Variants in USP54 observed in about 807,000 individuals in gnomAD.
USP54 encodes ubiquitin carboxyl-terminal hydrolase 54.
Under a neutral mutation model 170.5 loss-of-function variants are expected in USP54, and 87 were observed. The observed-to-expected ratio is 0.51, with a 90% confidence interval of 0.43 to 0.61. USP54 has a LOEUF of 0.61. Ranked by LOEUF, USP54 falls within the 20% of genes least tolerant of loss-of-function variation. The pLI is 0.00. For missense variants in USP54, 1,786 were observed against 2,047.8 expected, an observed-to-expected ratio of 0.87 and a Z score of 2.47; for synonymous variants, 655 against 742.8, an observed-to-expected ratio of 0.88 and a Z score of 1.92.
At chr10:73,509,453 A>G (rs1327993920) in intron 20 of USP54, among the ~76,000 whole-genome samples, 1 of 151,170 alleles carries the variant, frequency 6.6e-6, no homozygotes, top group Non-Finnish European at 1.5e-5. Context: ...AAAAAAAAAA[A>G]AAACAACAAA....
At chr10:73,522,606 T>C (rs2062081808) in intron 17 of USP54, among the ~76,000 whole-genome samples, 1 of 152,150 alleles carries the variant, frequency 6.6e-6, no homozygotes, top group African/African-American at 2.4e-5. Flanking sequence ...TGATACAGCT[T>C]GAGGTCAAAA....
chr10:73,517,477 C>T lies in USP54; in HGVS notation c.2949G>A (p.Lys983=). ...ATGGCTCCCAACTATGATGAGAATT[C>T]TTCTCAGTCCACCCTGGTGCTTTAG... ...GLPKAPGWTE[K]NSHHSWEPLD... Residue 983 remains lysine, a synonymous_variant, in exon 20 of 24, where the codon AAG becomes AAA. Transcript: ENST00000687698. 6.2e-7 allele frequency: 1 copy of T among 1,614,196 alleles called. No homozygotes were observed. Among genetic ancestry groups the T allele is most frequent in the Non-Finnish European group, 8.5e-7 (1 of 1,180,036 alleles).
intron 20 of USP54, chr10:73,505,925 T>C (rs2059056729): frequency 1.3e-5 from 2 of 152,254 alleles, no homozygotes; most frequent in South Asian, 4.1e-4. Context: ...AGTGTCCCCA[T>C]CTTGCTTCAT....
chr10:73,499,333 T>G, intron 23 of USP54, 145 bp from the exon 24 acceptor site: 1 of 855,398 alleles, frequency 1.2e-6, no homozygotes, highest in Non-Finnish European at 1.8e-6. Flanking sequence ...GCTGTGCTTT[T>G]GATTCCATTT....
chr10:73,526,820 C>A (rs774466473), intron 15 of USP54, 40 bp from the exon 16 acceptor site: 17 of 1,599,376 alleles, frequency 1.1e-5, no homozygotes, highest in Non-Finnish European at 1.4e-5. Context: ...AGCATGAAAG[C>A]AGGTTATAGC....
intron 1 of USP54, among the ~76,000 whole-genome samples, chr10:73,610,301 C>T (rs980979145): frequency 6.6e-6 from 1 of 152,192 alleles, no homozygotes; most frequent in Admixed American, 6.5e-5. Flanking sequence ...ATAATTGTCA[C>T]TGACTTCCTG....
chr10:73,594,933 G>T (rs1374064924), upstream of USP54, among the ~76,000 whole-genome samples: 5 of 150,804 alleles, frequency 3.3e-5, no homozygotes. Flanking sequence ...TTTTAATCTT[G>T]GTTTTGTTTG....
intron 16 of USP54, among the ~76,000 whole-genome samples, chr10:73,524,894 T>C (rs1369885091): frequency 6.6e-6 from 1 of 152,174 alleles, no homozygotes; most frequent in Non-Finnish European, 1.5e-5. Context: ...AGAGAACACT[T>C]TCTACCAGGT....
At chr10:73,621,126 G>A (rs933229546) in intron 1 of USP54, among the ~76,000 whole-genome samples, 2 of 148,716 alleles carry the variant, frequency 1.3e-5, no homozygotes, top group South Asian at 2.1e-4. Flanking sequence ...ACTGCACTCC[G>A]GCCTGGGTGA....
intron 1 of USP54, among the ~76,000 whole-genome samples, chr10:73,601,376 T>C (rs749520947): frequency 7.9e-5 from 12 of 152,172 alleles, no homozygotes; most frequent in Non-Finnish European, 1.6e-4. Flanking sequence ...TAGAACCACC[T>C]AAGCTTTGCT....
intron 1 of USP54, among the ~76,000 whole-genome samples, chr10:73,580,626 G>A (rs540850196): frequency 5.3e-5 from 8 of 152,198 alleles, no homozygotes; most frequent in African/African-American, 1.2e-4. Context: ...AGGCTGGAGC[G>A]CAATGGTGTG....
intron 1 of USP54, among the ~76,000 whole-genome samples, chr10:73,579,809 G>A (rs921572737): frequency 6.6e-6 from 1 of 151,786 alleles, no homozygotes; most frequent in African/African-American, 2.4e-5. Context: ...TTGTTTAATG[G>A]GCAAAAGATT....
intron 1 of USP54, among the ~76,000 whole-genome samples, chr10:73,598,740 T>A (rs940523381): frequency 1.1e-4 from 16 of 152,136 alleles, no homozygotes; most frequent in African/African-American, 3.6e-4. Flanking sequence ...TGAAACCGCA[T>A]CTCTACTAAA....
chr10:73,510,370 T>C (rs988663943), intron 20 of USP54, among the ~76,000 whole-genome samples: 1 of 151,504 alleles, frequency 6.6e-6, no homozygotes, highest in Admixed American at 6.6e-5. Context: ...AAACAAAAAC[T>C]GGCCATATGT....
intron 1 of USP54, among the ~76,000 whole-genome samples, chr10:73,604,282 A>T (rs1210466312): frequency 6.6e-6 from 1 of 152,158 alleles, no homozygotes; most frequent in African/African-American, 2.4e-5. Flanking sequence ...CAAAACAAAA[A>T]AAACAGTGTT....
chr10:73,546,840 C>A (rs1029275940), intron 4 of USP54, among the ~76,000 whole-genome samples: 14 of 152,124 alleles, frequency 9.2e-5, no homozygotes, highest in African/African-American at 3.4e-4. Flanking sequence ...TGGCTGTCTC[C>A]AATTTTTTGC....
In USP54 at chr10:73,517,364, G is replaced by A; in HGVS notation, c.3062C>T (p.Ala1021Val). ...KLPPQEGRGI[A>V]QEQLFQEKKD... ...CTTTTCTTGGAACAGCTGTTCTTGA[G>A]CAATGCCTCTTCCTTCTTGTGGAGG... Residue 1021 changes from alanine (A) to valine (V), a missense_variant, in exon 20 of 24, where the codon GCT (alanine) becomes GTT (valine). By Grantham distance (64) the Ala-to-Val change is moderately conservative. This residue lies in a region of USP54 where 1,418 missense variants were observed against 1,569.0 expected (regional missense o/e 0.90). Coordinates refer to ENST00000687698, the MANE Select transcript of USP54 (RefSeq NM_001391956.1). 1.2e-6 allele frequency: 2 copies of A among 1,613,226 alleles called. No individual in the cohort carries two copies. Among genetic ancestry groups the A allele is most frequent in the Non-Finnish European group, 1.7e-6 (2 of 1,179,548 alleles).
At chr10:73,577,326 G>A (rs1374002237) in intron 1 of USP54, among the ~76,000 whole-genome samples, 1 of 152,178 alleles carries the variant, frequency 6.6e-6, no homozygotes, top group East Asian at 1.9e-4. Flanking sequence ...TCTACAGCAT[G>A]TCCAATGGAA....
At chr10:73,551,722 C>T (rs1289368683) in intron 4 of USP54, among the ~76,000 whole-genome samples, 1 of 152,182 alleles carries the variant, frequency 6.6e-6, no homozygotes, top group Non-Finnish European at 1.5e-5. Context: ...GACATAGGCT[C>T]TATTACAGAA....
Sources: gnomAD v4.1 joint callset for allele counts (sites outside exome capture counted in the v4.1 genomes callset) on GRCh38, gnomAD v4.1.1 for gene constraint, gnomAD v4.1.1 regional missense constraint, MANE v1.5 for transcripts, NCBI Gene and HGNC (gene_info 2026-07-23, HGNC 2026-07-21) for gene names.